NBEA: variants seen among roughly 807,000 people sequenced by gnomAD.
The protein encoded by NBEA is lysosomal-trafficking regulator 2.
Under a neutral mutation model 343.4 loss-of-function variants are expected in NBEA, and 44 were observed. That is an observed-to-expected ratio of 0.13 (90% CI 0.10 to 0.16). The LOEUF (loss-of-function observed/expected upper bound fraction) is 0.16, where lower values mean the gene tolerates loss of function less well. NBEA is among the 10% of genes least tolerant of loss of function. The probability of loss-of-function intolerance (pLI) is 1.00; values close to 1 mark genes in which losing one functional copy is unlikely to be tolerated. For synonymous variants in NBEA, 1,175 were observed against 1,238.7 expected, an observed-to-expected ratio of 0.95 and a Z score of 1.08; for missense variants, 2,555 against 3,631.3, an observed-to-expected ratio of 0.70 and a Z score of 7.62.
At chr13:35,227,353 A>G (rs1209989788) in intron 33 of NBEA, among the ~76,000 whole-genome samples, 2 of 152,078 alleles carry the variant, frequency 1.3e-5, no homozygotes, top group Non-Finnish European at 2.9e-5. Flanking sequence ...GTCATAATAT[A>G]TAGCTGATAA....
At chr13:35,006,745 T>A (rs1457437133) in intron 1 of NBEA, among the ~76,000 whole-genome samples, 1 of 152,224 alleles carries the variant, frequency 6.6e-6, no homozygotes, top group Non-Finnish European at 1.5e-5. Context: ...AGTTATTTTC[T>A]TTCCTAGGTT....
chr13:35,400,850 C>G (rs2042970500), intron 38 of NBEA, among the ~76,000 whole-genome samples: 1 of 146,458 alleles, frequency 6.8e-6, no homozygotes, highest in Non-Finnish European at 1.5e-5. Flanking sequence ...ACTGATAAAC[C>G]TTTTTTTTTT....
intron 38 of NBEA, among the ~76,000 whole-genome samples, chr13:35,421,264 C>T (rs1038675601): frequency 5.3e-5 from 8 of 151,774 alleles, no homozygotes; most frequent in Non-Finnish European, 8.8e-5. Context: ...TTTTTTCTGC[C>T]TTCCTGTGGG....
At chr13:35,573,636 C>T (rs1016177726) in intron 45 of NBEA, among the ~76,000 whole-genome samples, 11 of 152,088 alleles carry the variant, frequency 7.2e-5, no homozygotes, top group Non-Finnish European at 1.5e-4. Flanking sequence ...TTCCTTCCCA[C>T]TTAGCCAGCT....
chr13:35,578,198 G>T (rs2080840551), intron 45 of NBEA, among the ~76,000 whole-genome samples: 1 of 152,136 alleles, frequency 6.6e-6, no homozygotes, highest in Admixed American at 6.5e-5. Context: ...GCTGCAGCTG[G>T]TTCTGTAAAA....
chr13:35,463,466 A>T (rs563733979), intron 40 of NBEA, among the ~76,000 whole-genome samples: 6 of 152,076 alleles, frequency 3.9e-5, no homozygotes, highest in African/African-American at 1.4e-4. Context: ...GTACGAAAAA[A>T]TTTAAAAAAT....
rs553566793 is a variant in NBEA at position 35,236,616 on chromosome 13, AT to A, written c.5776+4010del. ...TGCCTGCCACCACGCCCAGATATAT[AT>A]TTTTTTTTTTTTGTATTTTTAGTAG... is the stretch of plus-strand genomic sequence containing the variant. On this transcript the variant is annotated intron_variant, in intron 34 of 58. Coordinates refer to ENST00000379939, the MANE Select transcript of NBEA (RefSeq NM_001385012.1). 8.4e-3 allele frequency among the ~76,000 whole-genome samples: 1,160 copies of A among 138,412 alleles called. 9 individuals are homozygous for A. The highest frequency in any genetic ancestry group is 0.024 in the African/African-American group (914 of 38,124). The allele number at this position is 138,412 out of a possible 152,430, so 90.8% of individuals were successfully genotyped here. A position where few individuals can be genotyped will look rare whatever the true frequency, so the allele number is the denominator to read the frequency against.
chr13:35,236,617 T>TA (rs199737167), intron 34 of NBEA, among the ~76,000 whole-genome samples: 4,994 of 136,136 alleles, frequency 0.037, 115 homozygotes, highest in Non-Finnish European at 0.049. Context: ...CAGATATATA[T>TA]TTTTTTTTTT....
At position 35,157,165 on chromosome 13, in the gene NBEA, C is replaced by T. The variant is rs547273836; in HGVS notation, c.2739C>T (p.Thr913=). The change falls in exon 21 of 59, where the codon ACC becomes ACT. Residue 913 remains threonine, a synonymous_variant. Transcript: ENST00000379939. The part of the protein sequence containing the change: ...NPKNSEEQKI[T]EMVYNIFRIL... ...AAAATTCTGAGGAACAGAAGATTAC[C>T]GAAATGGTCTACAATATCTTCCGGA... The T allele has an allele frequency of 1.7e-5, 27 of 1,609,398 alleles. No homozygotes were observed. Among genetic ancestry groups the T allele is most frequent in the East Asian group, 8.9e-5 (4 of 44,758 alleles).
At chr13:35,423,545 T>A (rs1192407678) in intron 38 of NBEA, among the ~76,000 whole-genome samples, 1 of 152,232 alleles carries the variant, frequency 6.6e-6, no homozygotes, top group Admixed American at 6.5e-5. Context: ...CTGTTTTGTT[T>A]ACTGTAGCCT....
intron 1 of NBEA, among the ~76,000 whole-genome samples, chr13:34,949,368 C>T (rs539277114): frequency 3.4e-4 from 52 of 152,218 alleles, no homozygotes; most frequent in South Asian, 2.9e-3. Context: ...AGTAAATTGA[C>T]GAAAAACTTA....
chr13:35,609,219 G>A (rs556917787), intron 48 of NBEA, among the ~76,000 whole-genome samples: 2 of 152,308 alleles, frequency 1.3e-5, no homozygotes, highest in East Asian at 1.9e-4. Flanking sequence ...ACCAGGAAAT[G>A]TATATGACAT....
intron 47 of NBEA, among the ~76,000 whole-genome samples, chr13:35,600,519 A>C (rs1051059743): frequency 1.3e-5 from 2 of 152,168 alleles, no homozygotes; most frequent in Admixed American, 1.3e-4. Flanking sequence ...CTAGTCTCAG[A>C]AGTAATATTT....
At chr13:35,069,815 T>C in intron 8 of NBEA, 93 bp from the exon 9 acceptor site, 1 of 816,776 alleles carries the variant, frequency 1.2e-6, no homozygotes, top group Non-Finnish European at 1.9e-6. Flanking sequence ...GGTACACAAG[T>C]AGTTTATTAT....
At chr13:34,952,089 G>C (rs1208217131) in intron 1 of NBEA, among the ~76,000 whole-genome samples, 1 of 152,254 alleles carries the variant, frequency 6.6e-6, no homozygotes, top group Middle Eastern at 3.4e-3. Flanking sequence ...ATTAGACAAG[G>C]TTATCTAGGT....
At chr13:35,128,638 T>C (rs1021882991) in intron 17 of NBEA, among the ~76,000 whole-genome samples, 1 of 152,056 alleles carries the variant, frequency 6.6e-6, no homozygotes, top group Non-Finnish European at 1.5e-5. Flanking sequence ...AGGGATCTCA[T>C]CATTTAAAAT....
At chr13:35,476,517 A>G (rs1452685361) in intron 41 of NBEA, 1 of 641,248 alleles carries the variant, frequency 1.6e-6, no homozygotes, top group African/African-American at 1.8e-5. Flanking sequence ...GCTGAGACCC[A>G]GCAAAGCTCT....
At chr13:35,536,070 T>C (rs2078525852) in intron 41 of NBEA, among the ~76,000 whole-genome samples, 1 of 152,200 alleles carries the variant, frequency 6.6e-6, no homozygotes, top group Non-Finnish European at 1.5e-5. Context: ...TAAATTCTCA[T>C]GAACCCCAAG....
In NBEA at chr13:35,316,936, G is replaced by A. The variant is rs149517048; in HGVS notation, c.5903+7344G>A. ...TGAGAAGTATCTGTTCATATCCTTC[G>A]CCCTCTTTTTGATGGGTTTTTTTGT... On this transcript the variant is annotated intron_variant, in intron 36 of 58. Transcript: ENST00000379939. 1.3e-3 allele frequency among the ~76,000 whole-genome samples: 205 copies of A among 151,968 alleles called. 1 individual carries two copies. The highest frequency in any genetic ancestry group is 1.0e-3 in the Non-Finnish European group (71 of 67,958).
Sources: allele counts gnomAD v4.1 joint callset (sites outside exome capture counted in the v4.1 genomes callset), GRCh38; gene constraint gnomAD v4.1.1; transcripts MANE v1.5; gene names NCBI Gene and HGNC (gene_info 2026-07-23, HGNC 2026-07-21).